Variants in TRIP12 observed in about 807,000 individuals in gnomAD.
TRIP12 encodes E3 ubiquitin-protein ligase TRIP12.
TRIP12 carries 25 observed loss-of-function variants against 244.2 expected under a neutral mutation model. The observed-to-expected ratio is 0.10, with a 90% CI of 0.07 to 0.14. TRIP12 has a LOEUF of 0.14. Ranked by LOEUF, TRIP12 falls within the 10% of genes least tolerant of loss-of-function variation. The pLI is 1.00. For missense variants in TRIP12, 1,677 were observed against 2,486.4 expected (o/e 0.67, Z 6.92); for synonymous variants, 905 against 873.1 (o/e 1.04, Z -0.64).
chr2:229,846,001 CCTCT>C (rs1249235395), intron 4 of TRIP12, among the ~76,000 whole-genome samples: 4 of 131,850 alleles, frequency 3.0e-5, no homozygotes, highest in Middle Eastern at 4.6e-3. Flanking sequence ...AGATCGAGAG[CCTCT>C]CTTTTTTTCA....
At chr2:229,799,628 A>G (rs1448752462) in intron 21 of TRIP12, among the ~76,000 whole-genome samples, 2 of 151,772 alleles carry the variant, frequency 1.3e-5, no homozygotes, top group Admixed American at 1.3e-4. Flanking sequence ...TACAAAAATT[A>G]GCCGGGCGTG....
At chr2:229,872,221 G>A (rs1394154090) in intron 2 of TRIP12, among the ~76,000 whole-genome samples, 2 of 151,786 alleles carry the variant, frequency 1.3e-5, no homozygotes, top group East Asian at 3.9e-4. Flanking sequence ...TTCAGGCCAG[G>A]AGCTTGAGAC....
intron 1 of TRIP12, among the ~76,000 whole-genome samples, chr2:229,889,655 G>C (rs1576707887): frequency 6.6e-6 from 1 of 152,032 alleles, no homozygotes; most frequent in East Asian, 1.9e-4. Context: ...TCTAAAATCG[G>C]ATTCAGTTCC....
Position 229,810,919 on chromosome 2 carries a change from A to G in TRIP12, c.2182T>C (p.Ser728Pro). The stretch of plus-strand genomic sequence containing the variant: ...TGAACAGCTAAAGTTGGACAGTTGG[A>G]ACACATCAGAGAAAACATGCGAACC... ...MVVRMFSLMC[S>P]NCPTLAVQLM... The change falls in exon 15 of 42, where the codon TCC becomes CCC. Residue 728 changes from serine (S) to proline (P), a missense_variant. By Grantham distance (74) the Ser-to-Pro change is moderately conservative (BLOSUM62 -1). Around this residue, in one of 11 missense-constraint regions of TRIP12, gnomAD observed 572 missense variants for 867.8 expected, o/e 0.66. Transcript: ENST00000675903. The G allele has an allele frequency of 6.2e-7, 1 of 1,614,088 alleles. No homozygotes were observed. The highest frequency in any genetic ancestry group is 8.5e-7 in the Non-Finnish European group (1 of 1,179,966).
chr2:229,922,473 C>T, upstream of TRIP12: 2 of 1,602,714 alleles, frequency 1.2e-6, no homozygotes, highest in Non-Finnish European at 1.7e-6. Context: ...CCAAGCCCCG[C>T]CCCTTCCTGG....
chr2:229,811,250 T>G, intron 13 of TRIP12, 46 bp from the exon 14 acceptor site: 1 of 1,563,304 alleles, frequency 6.4e-7, no homozygotes. Flanking sequence ...CATAAAGCAT[T>G]TTCACTGTCA....
In TRIP12 at chr2:229,921,914, G is replaced by C. The variant is rs2076668355; in HGVS notation, c.-84C>G. On this transcript the variant is annotated 5_prime_UTR_variant, in exon 1 of 42. Transcript: ENST00000675903. Reference sequence around the variant, plus strand: ...CCCCAAAGTCTCCGGTCCGGACTCGGTGGCGCGGCAGTAACTTCCACTAGC... The same window carrying C: ...CCCCAAAGTCTCCGGTCCGGACTCGCTGGCGCGGCAGTAACTTCCACTAGC... 1 of 150,220 alleles carries C rather than the reference G, an allele frequency of 6.7e-6. No homozygotes were observed. Among genetic ancestry groups the C allele is most frequent in the Non-Finnish European group, 1.5e-5 (1 of 68,096 alleles). The allele number at this position is 150,220 out of a possible 1,614,324, so 9.3% of individuals were successfully genotyped here. A position where few individuals can be genotyped will look rare whatever the true frequency, so the allele number is the denominator to read the frequency against.
At chr2:229,796,066 C>T (rs564303643) in intron 25 of TRIP12, among the ~76,000 whole-genome samples, 1 of 152,144 alleles carries the variant, frequency 6.6e-6, no homozygotes, top group African/African-American at 2.4e-5. Flanking sequence ...CAAGGATTAC[C>T]CTCTTGCTCT....
chr2:229,795,427 T>A (rs1332550962), intron 25 of TRIP12, 97 bp from the exon 26 acceptor site: 1 of 1,360,786 alleles, frequency 7.3e-7, no homozygotes, highest in Non-Finnish European at 9.9e-7. Context: ...TAAAAGAGAA[T>A]AATTTGTCTA....
intron 15 of TRIP12, 82 bp downstream of exon 15, chr2:229,810,798 T>C (rs1283065242): frequency 3.6e-6 from 5 of 1,390,388 alleles, no homozygotes; most frequent in Non-Finnish European, 3.9e-6. Context: ...ATCTCTTCCA[T>C]TTGCTCGGCT....
At chr2:229,791,087 G>C (rs2041409707) in intron 30 of TRIP12, 37 bp downstream of exon 30, 3 of 1,609,066 alleles carry the variant, frequency 1.9e-6, no homozygotes, top group South Asian at 2.2e-5. Context: ...AGATTGCCCA[G>C]TTGGCAATCC....
At chr2:229,770,741 T>C (rs933789026) in intron 39 of TRIP12, among the ~76,000 whole-genome samples, 2 of 152,154 alleles carry the variant, frequency 1.3e-5, no homozygotes, top group African/African-American at 2.4e-5. Flanking sequence ...GGGAGGTAAC[T>C]GAATCATGGG....
intron 34 of TRIP12, among the ~76,000 whole-genome samples, chr2:229,779,465 T>C (rs532389002): frequency 3.3e-5 from 5 of 152,356 alleles, no homozygotes; most frequent in Non-Finnish European, 7.3e-5. Flanking sequence ...TACATGACTT[T>C]ACCACAATTT....
chr2:229,800,036 G>A lies in TRIP12; in HGVS notation c.3207-653C>T, dbSNP rs1278344171. Among the ~76,000 whole-genome samples the A allele has an allele frequency of 7.9e-5, 12 of 152,164 alleles. No homozygotes were observed. In the East Asian group the frequency reaches 1.2e-3, roughly 15 times the overall value. On this transcript the variant is annotated intron_variant, in intron 21 of 41. Coordinates refer to ENST00000675903, the MANE Select transcript of TRIP12 (RefSeq NM_001348323.3). Reference sequence around the variant, plus strand: ...ACAAAGGAGCAAAATAAAAATAAACGGGTAATCACCAACCTGAAAAAGAAT... The same window carrying A: ...ACAAAGGAGCAAAATAAAAATAAACAGGTAATCACCAACCTGAAAAAGAAT...
At chr2:229,839,678 CAAAA>C (rs1228213948) in intron 5 of TRIP12, among the ~76,000 whole-genome samples, 1 of 94,990 alleles carries the variant, frequency 1.1e-5, no homozygotes. Flanking sequence ...GACTCCATCT[CAAAA>C]AAAAAAAAAA....
rs957067801 is a variant in TRIP12, at chr2:229,765,289, T to C, written c.*2265A>G. 3.9e-5 allele frequency: 6 copies of C among 152,270 alleles called. No homozygotes were observed. The highest frequency in any genetic ancestry group is 3.9e-4 in the Admixed American group (6 of 15,286). The allele number at this position is 152,270 out of a possible 1,614,324, so 9.4% of individuals were successfully genotyped here. ...AAGAAGTTAGTGCTCGTTGATAGGA[T>C]TACCAAGCAAATGAATTTAAGGCAT... On this transcript the variant is annotated 3_prime_UTR_variant, in exon 42 of 42. Coordinates refer to ENST00000675903, the MANE Select transcript of TRIP12 (RefSeq NM_001348323.3).
Position 229,803,654 on chromosome 2 carries a change from T to C in TRIP12, c.2915A>G (p.Lys972Arg). Reference protein sequence around the residue: ...IASMLSSQDLKIVVGALQMAE... With the variant: ...IASMLSSQDLRIVVGALQMAE... ...CATCTGAAGTGCTCCCACTACTATCTTCAGGTCTTGGCTTGACAGCATGGA... is the reference window on the plus strand; with the variant it reads ...CATCTGAAGTGCTCCCACTACTATCCTCAGGTCTTGGCTTGACAGCATGGA... Residue 972 changes from lysine (K) to arginine (R), a missense_variant, in exon 20 of 42, where the codon AAG becomes AGG. By Grantham distance (26) the Lys-to-Arg change is conservative. Coordinates refer to ENST00000675903, the MANE Select transcript of TRIP12 (RefSeq NM_001348323.3). 1 of 1,613,146 alleles carries C rather than the reference T, an allele frequency of 6.2e-7. No homozygotes were observed. The highest frequency in any genetic ancestry group is 8.5e-7 in the Non-Finnish European group (1 of 1,179,732).
At chr2:229,799,682 G>A (rs1575166689) in intron 21 of TRIP12, among the ~76,000 whole-genome samples, 2 of 152,170 alleles carry the variant, frequency 1.3e-5, no homozygotes, top group East Asian at 3.9e-4. Context: ...GGCTGAGGCA[G>A]GAGAATGGCG....
At chr2:229,855,929 T>C (rs968829274) in intron 4 of TRIP12, among the ~76,000 whole-genome samples, 1 of 151,866 alleles carries the variant, frequency 6.6e-6, no homozygotes, top group Non-Finnish European at 1.5e-5. Context: ...TCCCAGCTAC[T>C]TGGGAGGCTG....
Sources: gnomAD v4.1 joint callset for allele counts (sites outside exome capture counted in the v4.1 genomes callset) on GRCh38, gnomAD v4.1.1 for gene constraint, gnomAD v4.1.1 regional missense constraint, MANE v1.5 for transcripts, NCBI Gene and HGNC (gene_info 2026-07-23, HGNC 2026-07-21) for gene names.